The following KLHL12 variants were observed in gnomAD, a reference collection of about 807,000 sequenced individuals.
KLHL12 encodes the protein kelch like family member 12.
Under a neutral mutation model 60.8 loss-of-function variants are expected in KLHL12, and 17 were observed. That is an observed-to-expected ratio of 0.28 (90% CI 0.19 to 0.42). The LOEUF (loss-of-function observed/expected upper bound fraction) is 0.42. Ranked by LOEUF, KLHL12 falls within the 10% of genes least tolerant of loss-of-function variation. KLHL12 has a pLI of 1.00. For missense variants in KLHL12, 468 were observed against 722.3 expected (o/e 0.65, Z 4.04); for synonymous variants, 220 against 250.9 (o/e 0.88, Z 1.16).
chr1:202,915,088 G>A (rs1011868664), intron 4 of KLHL12: 3 of 152,166 alleles, frequency 2.0e-5, no homozygotes, highest in African/African-American at 7.2e-5. Context: ...GAGAAAAATA[G>A]ATTTTCTCCA....
At chr1:202,907,428 C>T (rs1426187090) in intron 6 of KLHL12, among the ~76,000 whole-genome samples, 1 of 150,952 alleles carries the variant, frequency 6.6e-6, no homozygotes, top group East Asian at 1.9e-4. Flanking sequence ...ATGGAGAAAC[C>T]CTGTCTCTAC....
intron 6 of KLHL12, among the ~76,000 whole-genome samples, chr1:202,902,931 G>C (rs1429140868): frequency 1.3e-5 from 2 of 151,698 alleles, no homozygotes; most frequent in Non-Finnish European, 1.5e-5. Context: ...CCAGGAAGTG[G>C]ACGCTGCAGT....
Position 202,896,870 on chromosome 1 carries a change from T to C in KLHL12, c.923A>G (p.Glu308Gly). 4 of 1,613,864 alleles carry C rather than the reference T, an allele frequency of 2.5e-6. No homozygotes were observed. Among genetic ancestry groups the C allele is most frequent in the Non-Finnish European group, 3.4e-6 (4 of 1,179,772 alleles). Residue 308 changes from glutamate to glycine, a missense_variant, in exon 7 of 12, where the codon GAG (glutamate) becomes GGG (glycine). Physicochemically the swap from Glu to Gly is moderately conservative, Grantham distance 98. Coordinates refer to ENST00000367261, the MANE Select transcript of KLHL12 (RefSeq NM_021633.4). ...ATTATTTACTGGCAAAAAGCTCCAC[T>C]CCTGAGTCTTGGGGTCATATTTCTC... ...VVEKYDPKTQEWSFLPSITRK... is the reference protein window; with the variant it reads ...VVEKYDPKTQGWSFLPSITRK...
rs34564688 is a variant in KLHL12 at position 202,915,978 on chromosome 1, T to C, written c.567+2193A>G. On this transcript the variant is annotated intron_variant, in intron 4 of 11. Coordinates refer to ENST00000367261, the MANE Select transcript of KLHL12 (RefSeq NM_021633.4). ...AATGCTGAATAAGTATTAGCTATTA[T>C]ATGTAGTGAACGTCAAATCTGTAGT... 8.9e-4 allele frequency among the ~76,000 whole-genome samples: 136 copies of C among 152,376 alleles called. 1 individual carries two copies. The highest frequency in any genetic ancestry group is 1.5e-3 in the Non-Finnish European group (102 of 68,036).
At chr1:202,919,658 T>C (rs1388397579) in intron 3 of KLHL12, 97 bp downstream of exon 3, 2 of 1,166,952 alleles carry the variant, frequency 1.7e-6, no homozygotes, top group Non-Finnish European at 2.4e-6. Context: ...CATCCATAGT[T>C]TGTCTCCAAA....
At chr1:202,924,704 T>TA (rs1287918127) in intron 2 of KLHL12, among the ~76,000 whole-genome samples, 5 of 152,246 alleles carry the variant, frequency 3.3e-5, no homozygotes, top group Non-Finnish European at 5.9e-5. Flanking sequence ...CATATTACAC[T>TA]ATTCTAAGCA....
chr1:202,926,460 CA>C (rs942724213), intron 1 of KLHL12, among the ~76,000 whole-genome samples: 2 of 152,194 alleles, frequency 1.3e-5, no homozygotes, highest in African/African-American at 4.8e-5. Flanking sequence ...AACAACTCTG[CA>C]AGACCCATTT....
chr1:202,925,875 G>A lies in KLHL12; in HGVS notation c.-45-668C>T, dbSNP rs561245809. ...AATCCCAGCACTTTAGGAGGCTGAG[G>A]TGGGTGATCAGTTGAGGTCAGGAGT... On this transcript the variant is annotated intron_variant, in intron 1 of 11. Coordinates refer to ENST00000367261, the MANE Select transcript of KLHL12 (RefSeq NM_021633.4). Among the ~76,000 whole-genome samples the A allele has an allele frequency of 5.1e-4, 78 of 152,266 alleles. 2 individuals are homozygous for A. The South Asian group carries it at 0.01, about 20-fold the overall frequency.
At position 202,909,140 on chromosome 1, in the gene KLHL12, C is replaced by A. The variant is rs1273357366; in HGVS notation, c.718-16G>T. ...GGATGAAAGGCTGAAATATAGCAGACAGCAGAGTTAGGCACTGGGGATACC... is the reference window on the plus strand; with the variant it reads ...GGATGAAAGGCTGAAATATAGCAGAAAGCAGAGTTAGGCACTGGGGATACC... On this transcript the variant is annotated splice_polypyrimidine_tract_variant and intron_variant, in intron 5 of 11. Coordinates refer to ENST00000367261, the MANE Select transcript of KLHL12 (RefSeq NM_021633.4). This position sits in a 1 kb window ranked among gnomAD's most constrained non-coding sequence, Gnocchi z 4.1. 3 of 1,548,668 alleles carry A rather than the reference C, an allele frequency of 1.9e-6. No homozygotes were observed. The African/African-American group carries it at 4.1e-5, about 21-fold the overall frequency.
At chr1:202,924,161 A>G (rs913736454) in intron 2 of KLHL12, among the ~76,000 whole-genome samples, 3 of 152,224 alleles carry the variant, frequency 2.0e-5, no homozygotes, top group Admixed American at 6.5e-5. Flanking sequence ...TTGTCAGGCA[A>G]TTACTAAGTA....
chr1:202,899,632 C>G (rs961462526), intron 6 of KLHL12, among the ~76,000 whole-genome samples: 3 of 146,094 alleles, frequency 2.1e-5, no homozygotes, highest in African/African-American at 7.4e-5. Flanking sequence ...TCAAGACCAG[C>G]CTGTCTAACA....
intron 2 of KLHL12, among the ~76,000 whole-genome samples, chr1:202,922,028 TTAA>T (rs1660709090): frequency 6.6e-6 from 1 of 152,216 alleles, no homozygotes; most frequent in Admixed American, 6.5e-5. Flanking sequence ...TTAAATGCAT[TTAA>T]TAATTATGGT....
chr1:202,927,519 C>CAAA (rs869139683), upstream of KLHL12, among the ~76,000 whole-genome samples: 16 of 52,788 alleles, frequency 3.0e-4, no homozygotes, highest in Non-Finnish European at 3.6e-4. Flanking sequence ...CCCGTTTCTA[C>CAAA]AAAAAAAAAA....
chr1:202,902,285 C>G (rs577981515), intron 6 of KLHL12, among the ~76,000 whole-genome samples: 9 of 152,130 alleles, frequency 5.9e-5, no homozygotes, highest in Non-Finnish European at 1.3e-4. Flanking sequence ...CAAAAATCAG[C>G]CAGACATGGT....
chr1:202,914,254 C>T (rs928590049), intron 4 of KLHL12, among the ~76,000 whole-genome samples: 1 of 152,072 alleles, frequency 6.6e-6, no homozygotes, highest in Non-Finnish European at 1.5e-5. Flanking sequence ...GTTTAAAGGG[C>T]CAAGAGCTAG....
intron 6 of KLHL12, among the ~76,000 whole-genome samples, chr1:202,908,207 A>G (rs1660254245): frequency 6.6e-6 from 1 of 152,186 alleles, no homozygotes; most frequent in African/African-American, 2.4e-5. Flanking sequence ...TATATACATT[A>G]TCTCATTCAA....
intron 6 of KLHL12, among the ~76,000 whole-genome samples, chr1:202,901,351 GACCTCCCAGGCTCAAGCAATCCTCCT>G (rs1200211824): frequency 3.3e-5 from 5 of 151,682 alleles, no homozygotes; most frequent in Non-Finnish European, 7.4e-5. Flanking sequence ...CCACAGCATC[GACCTCCCAGGCTCAAGCAATCCTCCT>G]ACCTCCCAGG....
intron 4 of KLHL12, among the ~76,000 whole-genome samples, chr1:202,914,424 G>C (rs1023097611): frequency 6.6e-6 from 1 of 152,154 alleles, no homozygotes; most frequent in Non-Finnish European, 1.5e-5. Context: ...AGATGTCCTT[G>C]ATCTTAACTT....
intron 7 of KLHL12, 71 bp downstream of exon 7, chr1:202,896,783 A>T: frequency 8.9e-7 from 1 of 1,124,158 alleles, no homozygotes; most frequent in Non-Finnish European, 1.4e-6. Context: ...AGGCTGGATT[A>T]GCTATGATCT....
Sources: allele counts gnomAD v4.1 joint callset (sites outside exome capture counted in the v4.1 genomes callset), GRCh38; gene constraint gnomAD v4.1.1; non-coding constraint Gnocchi (gnomAD v3.1); transcripts MANE v1.5; gene names NCBI Gene and HGNC (gene_info 2026-07-23, HGNC 2026-07-21).